The following U2SURP variants were observed in gnomAD, a reference collection of about 807,000 sequenced individuals.
U2SURP encodes U2 snRNP associated SURP domain containing.
Under a neutral mutation model 144.9 loss-of-function variants are expected in U2SURP, and 9 were observed. That is an observed-to-expected ratio of 0.06 (90% CI 0.04 to 0.11). The LOEUF (loss-of-function observed/expected upper bound fraction) is 0.11. Ranked by LOEUF, U2SURP falls within the 10% of genes least tolerant of loss-of-function variation. The pLI is 1.00. For synonymous variants in U2SURP, 408 were observed against 396.8 expected (o/e 1.03, Z -0.33); for missense variants, 724 against 1,226.7 (o/e 0.59, Z 6.12).
chr3:143,006,047 T>A (rs1935812143), intron 1 of U2SURP, among the ~76,000 whole-genome samples: 1 of 152,264 alleles, frequency 6.6e-6, no homozygotes, highest in South Asian at 2.1e-4. Flanking sequence ...CACTTGAGGC[T>A]AACGGTAGTG....
intron 24 of U2SURP, 24 bp from the exon 25 acceptor site, chr3:143,050,915 T>C (rs1934824495): frequency 6.7e-7 from 1 of 1,493,866 alleles, no homozygotes; most frequent in African/African-American, 1.4e-5. Flanking sequence ...AAAATGCTTA[T>C]TTTTAAAATA....
At chr3:143,019,195 A>G (rs1936517908) in intron 6 of U2SURP, among the ~76,000 whole-genome samples, 1 of 152,062 alleles carries the variant, frequency 6.6e-6, no homozygotes. Context: ...GGTTCTTATC[A>G]GCTATATGAT....
At chr3:143,016,631 A>G (rs1220609089) in intron 5 of U2SURP, among the ~76,000 whole-genome samples, 3 of 152,182 alleles carry the variant, frequency 2.0e-5, no homozygotes, top group Non-Finnish European at 2.9e-5. Context: ...ACAGCAGAGC[A>G]CTTGTCACAA....
chr3:143,040,361 C>A (rs1934040814), intron 23 of U2SURP, among the ~76,000 whole-genome samples: 1 of 151,720 alleles, frequency 6.6e-6, no homozygotes, highest in South Asian at 2.1e-4. Context: ...TCAGGTAAAT[C>A]ATGATAATGT....
chr3:143,042,210 G>A (rs1934152240), intron 23 of U2SURP, among the ~76,000 whole-genome samples: 1 of 151,964 alleles, frequency 6.6e-6, no homozygotes, highest in Non-Finnish European at 1.5e-5. Context: ...TTTCTTGTCT[G>A]ACCCAGAACC....
At chr3:143,025,190 C>T (rs1164834420) in intron 13 of U2SURP, among the ~76,000 whole-genome samples, 1 of 152,036 alleles carries the variant, frequency 6.6e-6, no homozygotes, top group Non-Finnish European at 1.5e-5. Flanking sequence ...AGTTACAAGC[C>T]TGTTTAAAAC....
intron 1 of U2SURP, among the ~76,000 whole-genome samples, chr3:143,006,935 TA>T: frequency 6.6e-6 from 1 of 152,326 alleles, no homozygotes; most frequent in South Asian, 2.1e-4. Flanking sequence ...GAGAGCTCAC[TA>T]GGCAGAATGG....
intron 13 of U2SURP, chr3:143,026,812 A>G (rs559378021): frequency 1.2e-5 from 2 of 164,904 alleles, no homozygotes; most frequent in South Asian, 1.9e-4. Context: ...TTATATATCA[A>G]TATTTGCAGC....
intron 10 of U2SURP, among the ~76,000 whole-genome samples, chr3:143,022,015 G>A (rs1347024376): frequency 6.6e-6 from 1 of 152,078 alleles, no homozygotes; most frequent in Non-Finnish European, 1.5e-5. Context: ...ATTATATTTT[G>A]CATATATACT....
rs1935008261 is a variant in U2SURP, at chr3:143,053,797, A to G, written c.2774+3A>G. The G allele has an allele frequency of 6.3e-7, 1 of 1,574,960 alleles. No individual in the cohort carries two copies. Among genetic ancestry groups the G allele is most frequent in the Non-Finnish European group, 8.6e-7 (1 of 1,165,020 alleles). On this transcript the variant is annotated splice_donor_region_variant and intron_variant, in intron 26 of 27. Coordinates refer to ENST00000473835, the MANE Select transcript of U2SURP (RefSeq NM_001080415.2). ...TGTACTCCGACAAGGAAGGAAAGGT[A>G]TAACATTTCTCATATTTAATTGCAT... is the stretch of plus-strand genomic sequence containing the variant.
intron 6 of U2SURP, among the ~76,000 whole-genome samples, 183 bp from the exon 7 acceptor site, chr3:143,019,782 TTTAA>T (rs1281548825): frequency 3.3e-5 from 5 of 152,336 alleles, no homozygotes; most frequent in African/African-American, 1.2e-4. Context: ...GTAGTAATAA[TTTAA>T]TTGTTTGTTA....
intron 17 of U2SURP, 136 bp from the exon 18 acceptor site, chr3:143,033,135 A>G: frequency 2.4e-6 from 2 of 830,068 alleles, no homozygotes; most frequent in Non-Finnish European, 3.7e-6. Flanking sequence ...TGGGTTAACA[A>G]ATTTCATCTC....
chr3:143,046,973 A>G (rs1393849334), intron 24 of U2SURP, among the ~76,000 whole-genome samples: 1 of 122,338 alleles, frequency 8.2e-6, no homozygotes, highest in Non-Finnish European at 1.6e-5. Flanking sequence ...TCCCTCCCGG[A>G]CGGGGCGGCT....
At chr3:143,040,686 G>A (rs571699417) in intron 23 of U2SURP, among the ~76,000 whole-genome samples, 33 of 151,886 alleles carry the variant, frequency 2.2e-4, no homozygotes, top group Middle Eastern at 3.4e-3. Context: ...GATAAGATTT[G>A]AACCTCGAAT....
rs1935324332 is a variant in U2SURP, at chr3:143,060,369, A to G, written c.*3919A>G. On this transcript the variant is annotated 3_prime_UTR_variant, in exon 28 of 28. Transcript: ENST00000473835. ...AATTTCTTTTGGGTGAACTGATTCT[A>G]TAATTTACTTACTTTTAATGTAAGG... 1.3e-5 allele frequency: 2 copies of G among 152,022 alleles called. No homozygotes were observed. Among genetic ancestry groups the G allele is most frequent in the African/African-American group, 4.8e-5 (2 of 41,440 alleles). 9.4% of individuals were successfully genotyped at this position (152,022 alleles called of 1,614,324 possible).
At position 143,001,649 on chromosome 3, in the gene U2SURP, C is replaced by A; in HGVS notation, c.21C>A (p.Gly7=). MADKTP[G]GSQKASSKTR... is the part of the protein sequence containing the mutation. ...TCAAGATGGCGGACAAAACGCCAGG[C>A]GGATCTCAGAAGGCCAGTTCAAAGG... Residue 7 remains glycine (G), a synonymous_variant, in exon 1 of 28, where the codon GGC becomes GGA. Coordinates refer to ENST00000473835, the MANE Select transcript of U2SURP (RefSeq NM_001080415.2). 6.2e-7 allele frequency: 1 copy of A among 1,613,962 alleles called. No individual in the cohort carries two copies. The highest frequency in any genetic ancestry group is 8.5e-7 in the Non-Finnish European group (1 of 1,179,880).
chr3:143,019,972 C>G lies in U2SURP; in HGVS notation c.574C>G (p.Leu192Val). ...TAACTTGTCATATCCTTTATAGCCA[C>G]TTAAAAAAGGAGAGAAAGAAAAGAA... ...LLVIETKKPP[L>V]KKGEKEKKKS... Residue 192 changes from leucine to valine, a missense_variant, in exon 7 of 28, where the codon CTT becomes GTT. By Grantham distance (32) the Leu-to-Val change is conservative. Around this residue, in one of 13 missense-constraint regions of U2SURP, gnomAD observed 115 missense variants for 258.1 expected, o/e 0.45. Transcript: ENST00000473835. 1 of 1,505,074 alleles carries G rather than the reference C, an allele frequency of 6.6e-7. No individual in the cohort carries two copies. The highest frequency in any genetic ancestry group is 8.9e-7 in the Non-Finnish European group (1 of 1,118,868). 93.2% of individuals were successfully genotyped at this position (1,505,074 alleles called of 1,614,324 possible).
chr3:143,054,114 A>T (rs1482137791), intron 26 of U2SURP, among the ~76,000 whole-genome samples: 1 of 152,224 alleles, frequency 6.6e-6, no homozygotes, highest in Non-Finnish European at 1.5e-5. Context: ...TCCTTGTTGC[A>T]TCCAATTTAA....
rs376630328 is a variant in U2SURP, at chr3:143,050,728, C to T, written c.2545-211C>T. Among the ~76,000 whole-genome samples the T allele has an allele frequency of 7.2e-4, 110 of 152,268 alleles. 2 individuals are homozygous for T. The highest frequency in any genetic ancestry group is 2.4e-3 in the African/African-American group (100 of 41,560). On this transcript the variant is annotated intron_variant, in intron 24 of 27. Transcript: ENST00000473835. ...TCTTACAGCCATGAAGCACGGTTCA[C>T]GGTTTTTGAGTCCTCTCATGACCAG... is the stretch of plus-strand genomic sequence containing the variant.
Sources: allele counts gnomAD v4.1 joint callset (sites outside exome capture counted in the v4.1 genomes callset), GRCh38; gene constraint gnomAD v4.1.1; regional missense constraint gnomAD v4.1.1; transcripts MANE v1.5; gene names NCBI Gene and HGNC (gene_info 2026-07-23, HGNC 2026-07-21).